Variants in ZSWIM6 observed in about 807,000 individuals in gnomAD.
ZSWIM6 encodes zinc finger SWIM-type containing 6.
A neutral mutation model predicts 113.2 loss-of-function variants in ZSWIM6; 9 were observed. The observed-to-expected ratio is 0.08, with a 90% CI of 0.05 to 0.14. The LOEUF is 0.14. Among genes scored for constraint, ZSWIM6 ranks in the 10% least tolerant of loss-of-function variants. The pLI is 1.00. For synonymous variants in ZSWIM6, 611 were observed against 606.5 expected, an observed-to-expected ratio of 1.01 and a Z score of -0.11; for missense variants, 1,162 against 1,552.2, an observed-to-expected ratio of 0.75 and a Z score of 4.22.
At chr5:61,496,073 A>G (rs1274709084) in intron 4 of ZSWIM6, among the ~76,000 whole-genome samples, 1 of 152,180 alleles carries the variant, frequency 6.6e-6, no homozygotes, top group African/African-American at 2.4e-5. Flanking sequence ...GTGGGTTTTG[A>G]AAATTACGTA....
At chr5:61,532,254 C>A (rs972651448) in intron 9 of ZSWIM6, among the ~76,000 whole-genome samples, 2 of 152,186 alleles carry the variant, frequency 1.3e-5, no homozygotes, top group Non-Finnish European at 2.9e-5. Context: ...ATTCATTAGG[C>A]ACAGATTCAT....
intron 1 of ZSWIM6, among the ~76,000 whole-genome samples, chr5:61,392,192 A>G (rs1327688864): frequency 6.6e-6 from 1 of 152,214 alleles, no homozygotes. Flanking sequence ...ATTTGCAGTG[A>G]TGAGTCTATA....
At chr5:61,422,658 T>G (rs776566024) in intron 1 of ZSWIM6, among the ~76,000 whole-genome samples, 2 of 152,230 alleles carry the variant, frequency 1.3e-5, no homozygotes, top group African/African-American at 4.8e-5. Context: ...CTTTGGGTAG[T>G]GTGGACATTT....
intron 4 of ZSWIM6, among the ~76,000 whole-genome samples, chr5:61,500,234 C>T (rs1222234508): frequency 1.3e-5 from 2 of 151,838 alleles, no homozygotes; most frequent in African/African-American, 4.8e-5. Context: ...TCCAGTAATT[C>T]TCCTACCTTA....
intron 4 of ZSWIM6, among the ~76,000 whole-genome samples, chr5:61,519,230 C>T (rs1749045057): frequency 6.6e-6 from 1 of 152,188 alleles, no homozygotes; most frequent in African/African-American, 2.4e-5. Context: ...TGCCTTGGAT[C>T]TGTCTCATGC....
At chr5:61,516,534 C>CA (rs1748946021) in intron 4 of ZSWIM6, among the ~76,000 whole-genome samples, 6 of 137,468 alleles carry the variant, frequency 4.4e-5, no homozygotes, top group Admixed American at 2.2e-4. Context: ...ATATATATAT[C>CA]TTATATATAT....
intron 4 of ZSWIM6, among the ~76,000 whole-genome samples, chr5:61,518,843 T>G (rs1325309848): frequency 6.6e-6 from 1 of 152,160 alleles, no homozygotes; most frequent in East Asian, 1.9e-4. Flanking sequence ...TTTTGGTGTT[T>G]TAGACATGAA....
At chr5:61,501,108 G>T (rs1455811871) in intron 4 of ZSWIM6, among the ~76,000 whole-genome samples, 1 of 152,116 alleles carries the variant, frequency 6.6e-6, no homozygotes, top group Non-Finnish European at 1.5e-5. Context: ...TTCTCAGAAG[G>T]CTCATCTGCT....
Position 61,389,914 on chromosome 5 carries a change from G to A in ZSWIM6, c.676+56966G>A, listed in dbSNP as rs569946662. ...AGTTTTTGATCTGGGAATAAAAAAA[G>A]CAGGTTCTCTGACCAATCTAGGGAA... is the stretch of plus-strand genomic sequence containing the variant. On this transcript the variant is annotated intron_variant, in intron 1 of 13. Coordinates refer to ENST00000252744, the MANE Select transcript of ZSWIM6 (RefSeq NM_020928.2). Among the ~76,000 whole-genome samples, 22 of 152,324 alleles carry A rather than the reference G, an allele frequency of 1.4e-4. 1 individual carries two copies. Among genetic ancestry groups the A allele is most frequent in the Non-Finnish European group, 4.4e-5 (3 of 68,026 alleles).
intron 1 of ZSWIM6, among the ~76,000 whole-genome samples, chr5:61,469,381 C>T (rs1235739532): frequency 2.6e-5 from 4 of 152,068 alleles, no homozygotes; most frequent in African/African-American, 9.7e-5. Flanking sequence ...CATAAAACAC[C>T]GTAATCTTTG....
At position 61,543,785 on chromosome 5, in the gene ZSWIM6, A is replaced by G; in HGVS notation, c.3116A>G (p.His1039Arg). The change falls in exon 14 of 14, where the codon CAC (histidine) becomes CGC (arginine). Residue 1039 changes from histidine (H) to arginine (R), a missense_variant. Transcript: ENST00000252744. This position sits in a 1 kb window ranked among gnomAD's most constrained non-coding sequence, Gnocchi z 4.3. ...QLFTIARYME[H>R]RGYPMRAYKL... ...TTTACAATAGCACGGTACATGGAGC[A>G]CCGCGGGTACCCCATGAGGGCCTAC... 1.3e-6 allele frequency: 2 copies of G among 1,551,830 alleles called. No homozygotes were observed. Among genetic ancestry groups the G allele is most frequent in the Non-Finnish European group, 8.7e-7 (1 of 1,147,024 alleles).
intron 1 of ZSWIM6, among the ~76,000 whole-genome samples, chr5:61,436,537 G>A (rs1746711585): frequency 6.6e-6 from 1 of 152,158 alleles, no homozygotes; most frequent in African/African-American, 2.4e-5. Context: ...TTTCTGGTCT[G>A]ATGATAGGTT....
chr5:61,464,056 A>C (rs1216182848), intron 1 of ZSWIM6, among the ~76,000 whole-genome samples: 1 of 150,910 alleles, frequency 6.6e-6, no homozygotes. Context: ...GCAGTGGTGC[A>C]ATCTAGCTCA....
At chr5:61,375,323 A>C in intron 1 of ZSWIM6, 1 of 1,605,482 alleles carries the variant, frequency 6.2e-7, no homozygotes, top group African/African-American at 1.3e-5. Context: ...AACTGGAAGA[A>C]AGAACTGGAA....
chr5:61,523,064 A>G (rs187623454), intron 5 of ZSWIM6, among the ~76,000 whole-genome samples: 36 of 152,286 alleles, frequency 2.4e-4, no homozygotes, highest in Admixed American at 1.4e-3. Context: ...GGCAGTGTTT[A>G]TATCTGTTGG....
intron 10 of ZSWIM6, among the ~76,000 whole-genome samples, chr5:61,536,825 T>C (rs987882677): frequency 6.6e-6 from 1 of 152,220 alleles, no homozygotes; most frequent in Non-Finnish European, 1.5e-5. Context: ...TGGAGAATCT[T>C]CTTAAGTATT....
At chr5:61,520,886 C>T (rs1749098149) in intron 4 of ZSWIM6, among the ~76,000 whole-genome samples, 1 of 152,002 alleles carries the variant, frequency 6.6e-6, no homozygotes, top group Non-Finnish European at 1.5e-5. Context: ...ATGTTATTGG[C>T]ATTTTTGTCT....
chr5:61,544,391 C>G lies in ZSWIM6; in HGVS notation c.*74C>G, dbSNP rs1749830219. 2.9e-6 allele frequency: 3 copies of G among 1,029,358 alleles called. No homozygotes were observed. The Admixed American group carries it at 7.1e-5, about 24-fold the overall frequency. 63.8% of individuals were successfully genotyped at this position (1,029,358 alleles called of 1,614,324 possible). ...GTTTTTACTTGAGCCTGCCTTTGTACCCTTTTTAACTTAAAGAACAGAGCC... is the reference window on the plus strand; with the variant it reads ...GTTTTTACTTGAGCCTGCCTTTGTAGCCTTTTTAACTTAAAGAACAGAGCC... On this transcript the variant is annotated 3_prime_UTR_variant, in exon 14 of 14. Transcript: ENST00000252744.
At chr5:61,449,517 A>G (rs945936596) in intron 1 of ZSWIM6, among the ~76,000 whole-genome samples, 3 of 152,128 alleles carry the variant, frequency 2.0e-5, no homozygotes, top group Non-Finnish European at 2.9e-5. Flanking sequence ...GATGCACGCT[A>G]TTGTACCCAG....
Sources: gnomAD v4.1 joint callset for allele counts (sites outside exome capture counted in the v4.1 genomes callset) on GRCh38, gnomAD v4.1.1 for gene constraint, Gnocchi (gnomAD v3.1) non-coding constraint, MANE v1.5 for transcripts, NCBI Gene and HGNC (gene_info 2026-07-23, HGNC 2026-07-21) for gene names.